The following ENTPD7 variants were observed in gnomAD, a reference collection of about 807,000 sequenced individuals.
ENTPD7 encodes the protein ectonucleoside triphosphate diphosphohydrolase 7.
Under a neutral mutation model 77.9 loss-of-function variants are expected in ENTPD7, and 53 were observed. That is an observed-to-expected ratio of 0.68 (90% CI 0.55 to 0.85). The LOEUF is 0.85. Ranked by LOEUF, ENTPD7 falls within the 40% of genes least tolerant of loss-of-function variation. The pLI, the probability that ENTPD7 is intolerant of heterozygous loss-of-function variation, is 0.00. For synonymous variants in ENTPD7, 248 were observed against 274.9 expected, an observed-to-expected ratio of 0.90 and a Z score of 0.97; for missense variants, 636 against 743.7, an observed-to-expected ratio of 0.86 and a Z score of 1.68.
At chr10:99,666,460 C>T (rs962184596) in intron 3 of ENTPD7, among the ~76,000 whole-genome samples, 1 of 152,160 alleles carries the variant, frequency 6.6e-6, no homozygotes, top group South Asian at 2.1e-4. Context: ...CCACCTGCCT[C>T]GGCCTCTCAA....
In ENTPD7 at chr10:99,696,031, G is replaced by A. The variant is rs757378688; in HGVS notation, c.919G>A (p.Val307Ile). The change falls in exon 9 of 13, where the codon GTT becomes ATT. Residue 307 changes from valine (V) to isoleucine (I), a missense_variant. Coordinates refer to ENST00000370489, the MANE Select transcript of ENTPD7 (RefSeq NM_020354.5). ...DVQHTEHVYR[V>I]YVTTFLGFGG... ...GCAACACACTGAACACGTGTACAGG[G>A]TTTATGTCACAACTTTTCTGGGTTT... 6 of 1,614,208 alleles carry A rather than the reference G, an allele frequency of 3.7e-6. No individual in the cohort carries two copies. In the South Asian group the frequency reaches 5.5e-5, roughly 15 times the overall value.
At chr10:99,694,271 A>G (rs562622264) in intron 8 of ENTPD7, among the ~76,000 whole-genome samples, 1 of 152,298 alleles carries the variant, frequency 6.6e-6, no homozygotes, top group Non-Finnish European at 1.5e-5. Context: ...GACATTTTGT[A>G]TAAATGAAAT....
intron 3 of ENTPD7, among the ~76,000 whole-genome samples, chr10:99,674,397 A>G (rs903617659): frequency 6.6e-6 from 1 of 152,210 alleles, no homozygotes; most frequent in Admixed American, 6.5e-5. Flanking sequence ...CATTGTTGTG[A>G]CACAGATCTC....
intron 3 of ENTPD7, among the ~76,000 whole-genome samples, chr10:99,668,307 G>A (rs566519314): frequency 6.6e-6 from 1 of 152,240 alleles, no homozygotes; most frequent in East Asian, 1.9e-4. Flanking sequence ...TTAGAAAAAT[G>A]CAAATAATTG....
At chr10:99,676,709 T>A (rs1291595841) in intron 3 of ENTPD7, among the ~76,000 whole-genome samples, 1 of 152,208 alleles carries the variant, frequency 6.6e-6, no homozygotes, top group Admixed American at 6.5e-5. Context: ...AGTTGATTGG[T>A]GGATTCTAGC....
In ENTPD7 at chr10:99,709,145, G is replaced by A. The variant is rs1374429905; in HGVS notation, c.*4462G>A. On this transcript the variant is annotated 3_prime_UTR_variant, in exon 13 of 13. Transcript: ENST00000370489. ...ACAACATCCAAGCAATTCATTAGAT[G>A]ACTACAGCCTAGATGAAGGTATAAA... The A allele has an allele frequency of 1.0e-6, 1 of 984,096 alleles. No individual in the cohort carries two copies. The highest frequency in any genetic ancestry group is 1.7e-5 in the African/African-American group (1 of 57,150). 61.0% of individuals were successfully genotyped at this position (984,096 alleles called of 1,614,324 possible). A position where few individuals can be genotyped will look rare whatever the true frequency, so the allele number is the denominator to read the frequency against.
chr10:99,671,599 C>T (rs896121907), intron 3 of ENTPD7, among the ~76,000 whole-genome samples: 1 of 152,168 alleles, frequency 6.6e-6, no homozygotes, highest in Admixed American at 6.5e-5. Flanking sequence ...TTATGCAGTG[C>T]GTGACTGTGT....
In ENTPD7 at chr10:99,661,541, T is replaced by A. The variant is rs930137089; in HGVS notation, c.104T>A (p.Phe35Tyr). 2.5e-6 allele frequency: 4 copies of A among 1,614,048 alleles called. No individual in the cohort carries two copies. Among genetic ancestry groups the A allele is most frequent in the Non-Finnish European group, 3.4e-6 (4 of 1,179,956 alleles). The change falls in exon 3 of 13, where the codon TTC (phenylalanine) becomes TAC (tyrosine). Residue 35 changes from phenylalanine to tyrosine, a missense_variant. By Grantham distance (22) the Phe-to-Tyr change is conservative (BLOSUM62 3). Coordinates refer to ENST00000370489, the MANE Select transcript of ENTPD7 (RefSeq NM_020354.5). ...LRQRVAFLGL[F>Y]FISCLLLLML... Reference sequence around the variant, plus strand: ...CAGCGGGTGGCATTCCTGGGACTCTTCTTCATATCCTGTCTCCTTTTACTT... The same window carrying A: ...CAGCGGGTGGCATTCCTGGGACTCTACTTCATATCCTGTCTCCTTTTACTT...
intron 7 of ENTPD7, among the ~76,000 whole-genome samples, chr10:99,688,987 GGCTCAATATTTACTAATGTTTT>G (rs1213327324): frequency 2.0e-5 from 3 of 151,830 alleles, no homozygotes; most frequent in Non-Finnish European, 4.4e-5. Flanking sequence ...CCATTACCCA[GGCTCAATATTTACTAATGTTTT>G]GCCATTTCTC....
rs2036282791 is a variant in ENTPD7, at chr10:99,707,849, A to AT, written c.*3172dup. 6.6e-6 allele frequency among the ~76,000 whole-genome samples: 1 copy of AT among 151,950 alleles called. No individual in the cohort carries two copies. The highest frequency in any genetic ancestry group is 1.5e-5 in the Non-Finnish European group (1 of 68,000). On this transcript the variant is annotated 3_prime_UTR_variant, in exon 13 of 13. Coordinates refer to ENST00000370489, the MANE Select transcript of ENTPD7 (RefSeq NM_020354.5). ...AGTTAACTCTAAGCCAAATTATACC[A>AT]TTTTTTCTCTCTGTACTTTAGCTCC... is the stretch of plus-strand genomic sequence containing the variant.
chr10:99,681,187 T>G (rs953975105), intron 5 of ENTPD7, among the ~76,000 whole-genome samples: 1 of 152,222 alleles, frequency 6.6e-6, no homozygotes, highest in African/African-American at 2.4e-5. Context: ...ATGGGAGGGC[T>G]CATATCTCTT....
chr10:99,687,835 G>A (rs1457491721), intron 6 of ENTPD7, among the ~76,000 whole-genome samples: 3 of 152,062 alleles, frequency 2.0e-5, no homozygotes, highest in African/African-American at 7.2e-5. Flanking sequence ...AGAATACCAG[G>A]GCTTTAATTT....
chr10:99,698,497 GTGTTTGTT>G, intron 9 of ENTPD7, 29 bp from the exon 10 acceptor site: 4 of 1,563,464 alleles, frequency 2.6e-6, no homozygotes, highest in African/African-American at 1.3e-5. Flanking sequence ...CAGGCATGAC[GTGTTTGTT>G]TGTTTGTTTG....
rs772178531 is a variant in ENTPD7 at position 99,661,521 on chromosome 10, G to T, written c.84G>T (p.Arg28=). 1 of 1,613,782 alleles carries T rather than the reference G, an allele frequency of 6.2e-7. No individual in the cohort carries two copies. The highest frequency in any genetic ancestry group is 8.5e-7 in the Non-Finnish European group (1 of 1,179,914). The change falls in exon 3 of 13, where the codon CGG becomes CGT. Residue 28 remains arginine, a synonymous_variant. Transcript: ENST00000370489. ...VPTVSPFLRQ[R]VAFLGLFFIS... Reference sequence around the variant, plus strand: ...CAGTGAGTCCATTTCTCCGTCAGCGGGTGGCATTCCTGGGACTCTTCTTCA... The same window carrying T: ...CAGTGAGTCCATTTCTCCGTCAGCGTGTGGCATTCCTGGGACTCTTCTTCA...
At chr10:99,678,573 T>C (rs1399593169) in intron 3 of ENTPD7, among the ~76,000 whole-genome samples, 1 of 151,600 alleles carries the variant, frequency 6.6e-6, no homozygotes, top group East Asian at 1.9e-4. Flanking sequence ...ATTCTAGCAA[T>C]ATAAATACAA....
In ENTPD7 at chr10:99,691,500, T is replaced by C; in HGVS notation, c.825T>C (p.Ser275=). 6.2e-7 allele frequency: 1 copy of C among 1,613,846 alleles called. No homozygotes were observed. Among genetic ancestry groups the C allele is most frequent in the Non-Finnish European group, 8.5e-7 (1 of 1,179,930 alleles). ...QIAYEVPTST[S]VLPAKQEEAA... ...CTTATGAAGTTCCTACCTCAACCTC[T>C]GTCCTTCCTGCAAAGCAGGTACTTT... is the stretch of plus-strand genomic sequence containing the variant. The change falls in exon 8 of 13, where the codon TCT becomes TCC. Residue 275 remains serine (S), a synonymous_variant. Coordinates refer to ENST00000370489, the MANE Select transcript of ENTPD7 (RefSeq NM_020354.5).
chr10:99,667,810 GAT>G (rs1400544221), intron 3 of ENTPD7, among the ~76,000 whole-genome samples: 1 of 151,764 alleles, frequency 6.6e-6, no homozygotes, highest in East Asian at 1.9e-4. Flanking sequence ...ATTTAATAAA[GAT>G]AGACTCAATA....
At chr10:99,697,694 G>A (rs1392028276) in intron 9 of ENTPD7, 3 of 160,068 alleles carry the variant, frequency 1.9e-5, no homozygotes, top group African/African-American at 7.2e-5. Context: ...GTTGTAAAGT[G>A]TTCTGTTGTA....
At chr10:99,666,613 T>C (rs2035554113) in intron 3 of ENTPD7, among the ~76,000 whole-genome samples, 1 of 152,240 alleles carries the variant, frequency 6.6e-6, no homozygotes, top group Non-Finnish European at 1.5e-5. Flanking sequence ...AGATGCTCCT[T>C]GACTTATGAT....
Sources: gnomAD v4.1 joint callset for allele counts (sites outside exome capture counted in the v4.1 genomes callset) on GRCh38, gnomAD v4.1.1 for gene constraint, MANE v1.5 for transcripts, NCBI Gene and HGNC (gene_info 2026-07-23, HGNC 2026-07-21) for gene names.